LRRC56: variants seen among roughly 807,000 people sequenced by gnomAD.
LRRC56 encodes the protein leucine rich repeat containing 56, also known as leucine-rich repeat-containing protein 56.
A neutral mutation model predicts 47.8 loss-of-function variants in LRRC56; 41 were observed. The ratio of observed to expected loss-of-function variants is 0.86; its 90% CI spans 0.67 to 1.11. The LOEUF (loss-of-function observed/expected upper bound fraction) is 1.11. Among genes scored for constraint, LRRC56 ranks in the 50% most tolerant of loss-of-function variants. The pLI is 0.00. For synonymous variants in LRRC56, 387 were observed against 311.2 expected (o/e 1.24, Z -2.56); for missense variants, 759 against 704.2 (o/e 1.08, Z -0.88).
At position 551,778 on chromosome 11, in the gene LRRC56, G is replaced by A. The variant is rs746089283; in HGVS notation, c.924G>A (p.Leu308=). Residue 308 remains leucine (L), a synonymous_variant, in exon 10 of 14, where the codon CTG becomes CTA. Transcript: ENST00000270115. ...LVRGGPLPEG[L]LSEDLAPEDN... ...GTGGGGGCCCCCTGCCTGAAGGCCT[G>A]CTTTCTGAGGACCTGGCCCCAGAAG... 6.2e-7 allele frequency: 1 copy of A among 1,610,186 alleles called. No homozygotes were observed. The highest frequency in any genetic ancestry group is 8.5e-7 in the Non-Finnish European group (1 of 1,178,614).
At chr11:549,442 C>T (rs923257993) in intron 6 of LRRC56, among the ~76,000 whole-genome samples, 4 of 152,226 alleles carry the variant, frequency 2.6e-5, no homozygotes, top group African/African-American at 9.6e-5. Context: ...CCTCCAGCAG[C>T]TGGTCCCCAC....
rs771898293 is a variant in LRRC56, at chr11:553,964, G to A, written c.1317G>A (p.Glu439=). Residue 439 remains glutamate (E), a splice_region_variant and synonymous_variant, in exon 14 of 14, where the codon GAG becomes GAA. Coordinates refer to ENST00000270115, the MANE Select transcript of LRRC56 (RefSeq NM_198075.4). ...CCCATCACTCTGCTTGCTTTCTAGA[G>A]CCCTCCGGGACCTCGAGCCAGCACC... ...TPSSPPSLAS[E]PSGTSSQHLV... 1 of 1,610,172 alleles carries A rather than the reference G, an allele frequency of 6.2e-7. No homozygotes were observed. Among genetic ancestry groups the A allele is most frequent in the African/African-American group, 1.3e-5 (1 of 74,910 alleles).
At chr11:532,547 C>A, upstream of LRRC56, 1 of 1,546,172 alleles carries the variant, frequency 6.5e-7, no homozygotes, top group Non-Finnish European at 8.7e-7. Context: ...AGGGAGGCTG[C>A]TGACCGCAGG....
the LRRC56 span, among the ~76,000 whole-genome samples, chr11:512,063 CCTCCCGAGTAGCTGGGA>C: frequency 8.0e-4 from 121 of 151,800 alleles, 2 homozygotes; most frequent in East Asian, 0.02. Context: ...TCCGCCTCAG[CCTCCCGAGTAGCTGGGA>C]CTACAGGTGC....
chr11:554,181 G>T lies in LRRC56; in HGVS notation c.1534G>T (p.Ala512Ser). 6.4e-7 allele frequency: 1 copy of T among 1,571,710 alleles called. No homozygotes were observed. The highest frequency in any genetic ancestry group is 8.6e-7 in the Non-Finnish European group (1 of 1,160,286). The change falls in exon 14 of 14, where the codon GCC (alanine) becomes TCC (serine). Residue 512 changes from alanine (A) to serine (S), a missense_variant. Ala to Ser is a moderately conservative substitution (Grantham distance 99). Transcript: ENST00000270115. ...GGTGGCCTCACGCCTGAGCCCTCGA[G>T]CCCAGGGATGTCCTGGCCCAAAGCC... ...LEVASRLSPRAQGCPGPKPAP... is the reference protein window; with the variant it reads ...LEVASRLSPRSQGCPGPKPAP...
the LRRC56 span, chr11:507,218 G>T: frequency 1.3e-5 from 2 of 152,008 alleles, no homozygotes; most frequent in Admixed American, 6.5e-5. Flanking sequence ...AACCCCACCC[G>T]CCAGTCAGCG....
Position 540,876 on chromosome 11 carries a change from TG to T in LRRC56, c.177+20del, listed in dbSNP as rs1437042628. On this transcript the variant is annotated intron_variant, in intron 4 of 13. Transcript: ENST00000270115. Reference sequence around the variant, plus strand: ...CTGCCCGGCTGGTGAGTGTGGGCGCTGGGGGCTGTGGCCACAGAGGCCTCCG... The same window carrying T: ...CTGCCCGGCTGGTGAGTGTGGGCGCTGGGGCTGTGGCCACAGAGGCCTCCG... 32 of 1,526,604 alleles carry T rather than the reference TG, an allele frequency of 2.1e-5. No individual in the cohort carries two copies. The highest frequency in any genetic ancestry group is 2.7e-5 in the Non-Finnish European group (31 of 1,132,690). The allele number at this position is 1,526,604 out of a possible 1,614,324, so 94.6% of individuals were successfully genotyped here.
Position 541,431 on chromosome 11 carries a change from C to G in LRRC56, c.178-106C>G, listed in dbSNP as rs1228280849. Reference sequence around the variant, plus strand: ...CAACATGGCCCAGGCAGGGAAACGTCGGTGCCTGCTCCAGCGGGAGCCCCA... The same window carrying G: ...CAACATGGCCCAGGCAGGGAAACGTGGGTGCCTGCTCCAGCGGGAGCCCCA... On this transcript the variant is annotated intron_variant, in intron 4 of 13. Coordinates refer to ENST00000270115, the MANE Select transcript of LRRC56 (RefSeq NM_198075.4). The surrounding 1 kb of genome is among the most constrained non-coding windows in gnomAD (Gnocchi z 4.1). The G allele has an allele frequency of 5.2e-6, 3 of 581,958 alleles. No homozygotes were observed. The highest frequency in any genetic ancestry group is 1.9e-5 in the African/African-American group (1 of 51,730). The allele number at this position is 581,958 out of a possible 1,614,324, so 36.0% of individuals were successfully genotyped here.
chr11:525,507 C>T, the LRRC56 span, among the ~76,000 whole-genome samples: 1 of 151,736 alleles, frequency 6.6e-6, no homozygotes, highest in Non-Finnish European at 1.5e-5. Context: ...CCACTGCACT[C>T]CAGCCTGGGT....
Position 554,064 on chromosome 11 carries a change from C to T in LRRC56, c.1417C>T (p.Gln473Ter). Residue 473 changes from glutamine to a stop codon, truncating the protein, a stop_gained, in exon 14 of 14, where the codon CAG becomes TAG. Transcript: ENST00000270115. LOFTEE classifies it low-confidence loss of function (END_TRUNC). The stretch of plus-strand genomic sequence containing the variant: ...CTCCCCGCGGTGGTCGACAGACCTG[C>T]AGTCCAGGGGGCGTCGGCTCCGAGT... ...SSSPRWSTDL[Q>*]SRGRRLRVLG... The T allele has an allele frequency of 6.2e-7, 1 of 1,610,778 alleles. No homozygotes were observed. The highest frequency in any genetic ancestry group is 1.3e-5 in the African/African-American group (1 of 74,988).
chr11:541,656 GC>G lies in LRRC56; in HGVS notation c.265+34del. The G allele has an allele frequency of 7.4e-7, 1 of 1,344,148 alleles. No individual in the cohort carries two copies. The highest frequency in any genetic ancestry group is 1.0e-6 in the Non-Finnish European group (1 of 970,816). 83.3% of individuals were successfully genotyped at this position (1,344,148 alleles called of 1,614,324 possible). The stretch of plus-strand genomic sequence containing the variant: ...CTCTTCCCACCCCGCCATGGCCACG[GC>G]CACGGCCACGCCTCCCTGTAAACAA... On this transcript the variant is annotated intron_variant, in intron 5 of 13. Coordinates refer to ENST00000270115, the MANE Select transcript of LRRC56 (RefSeq NM_198075.4). This position sits in a 1 kb window ranked among gnomAD's most constrained non-coding sequence, Gnocchi z 4.1.
the LRRC56 span, among the ~76,000 whole-genome samples, chr11:530,446 CAAGTGTGGCGTCCCCTGGAGA>C: frequency 2.0e-4 from 27 of 134,172 alleles, no homozygotes; most frequent in African/African-American, 6.8e-4. Context: ...GACAGAAGGG[CAAGTGTGGCGTCCCCTGGAGA>C]GAAGGGCGAG....
intron 8 of LRRC56, among the ~76,000 whole-genome samples, chr11:550,769 C>G (rs144493397): frequency 1.3e-5 from 2 of 152,296 alleles, no homozygotes; most frequent in African/African-American, 4.8e-5. Flanking sequence ...GTGCTAGCCT[C>G]ATTAGCTGCT....
At chr11:523,382 C>T in the LRRC56 span, among the ~76,000 whole-genome samples, 1 of 150,946 alleles carries the variant, frequency 6.6e-6, no homozygotes, top group Non-Finnish European at 1.5e-5. Context: ...CCTGTAATCC[C>T]AGCACTTTGG....
At chr11:519,167 G>A in the LRRC56 span, among the ~76,000 whole-genome samples, 2 of 152,212 alleles carry the variant, frequency 1.3e-5, no homozygotes, top group Non-Finnish European at 2.9e-5. Context: ...AATAAGAAGA[G>A]GGAAAATCAC....
chr11:551,305 A>T lies in LRRC56; in HGVS notation c.796+3A>T. 6.6e-7 allele frequency: 1 copy of T among 1,506,388 alleles called. No homozygotes were observed. Among genetic ancestry groups the T allele is most frequent in the Non-Finnish European group, 9.0e-7 (1 of 1,117,012 alleles). The allele number at this position is 1,506,388 out of a possible 1,614,324, so 93.3% of individuals were successfully genotyped here. A position where few individuals can be genotyped will look rare whatever the true frequency, so the allele number is the denominator to read the frequency against. ...GGGCAACGGCCTTCCCCCGCTGGGT[A>T]CGGCAGCTGCGCCCGGAGGACCCAC... On this transcript the variant is annotated splice_donor_region_variant and intron_variant, in intron 9 of 13. Transcript: ENST00000270115.
chr11:521,002 C>T, the LRRC56 span, among the ~76,000 whole-genome samples: 23 of 152,242 alleles, frequency 1.5e-4, no homozygotes, highest in Non-Finnish European at 3.1e-4. Context: ...GGCATTTACT[C>T]ACCGATGCTC....
intron 6 of LRRC56, among the ~76,000 whole-genome samples, chr11:545,129 C>T (rs994290855): frequency 6.6e-6 from 1 of 152,206 alleles, no homozygotes; most frequent in African/African-American, 2.4e-5. Context: ...CCGTGTGACC[C>T]CTACACATGG....
chr11:553,444 T>C (rs1852541917), intron 13 of LRRC56, among the ~76,000 whole-genome samples: 1 of 151,400 alleles, frequency 6.6e-6, no homozygotes, highest in Non-Finnish European at 1.5e-5. Context: ...GACAGAGGGG[T>C]CAACAGCTGG....
Sources: gnomAD v4.1 joint callset for allele counts (sites outside exome capture counted in the v4.1 genomes callset) on GRCh38, gnomAD v4.1.1 for gene constraint, Gnocchi (gnomAD v3.1) non-coding constraint, MANE v1.5 for transcripts, NCBI Gene and HGNC (gene_info 2026-07-23, HGNC 2026-07-21) for gene names.